Variants in FKBP5 observed in about 807,000 individuals in gnomAD.
The protein encoded by FKBP5 is peptidyl-prolyl cis-trans isomerase FKBP5.
In FKBP5, 23 loss-of-function variants were observed where a neutral mutation model predicts 50.5. The observed-to-expected ratio is 0.46, with a 90% CI of 0.33 to 0.65. The LOEUF is 0.65. FKBP5 is among the 30% of genes least tolerant of loss of function. The pLI is 0.02. For missense variants in FKBP5, 411 were observed against 553.1 expected, an observed-to-expected ratio of 0.74 and a Z score of 2.58; for synonymous variants, 176 against 190.6, an observed-to-expected ratio of 0.92 and a Z score of 0.63.
intron 5 of FKBP5, among the ~76,000 whole-genome samples, chr6:35,605,011 C>G (rs1042797773): frequency 1.3e-5 from 2 of 152,116 alleles, no homozygotes; most frequent in Non-Finnish European, 2.9e-5. Context: ...GTCTCGATTC[C>G]TGACCTCGTG....
At chr6:35,595,474 C>T (rs1333064025) in intron 6 of FKBP5, among the ~76,000 whole-genome samples, 1 of 152,160 alleles carries the variant, frequency 6.6e-6, no homozygotes, top group Non-Finnish European at 1.5e-5. Flanking sequence ...TGGCCTGGCG[C>T]AGTGGCTCAT....
At chr6:35,671,132 T>TG (rs911403448) in intron 1 of FKBP5, among the ~76,000 whole-genome samples, 22 of 152,068 alleles carry the variant, frequency 1.4e-4, no homozygotes, top group African/African-American at 5.1e-4. Context: ...GGCATGGTGG[T>TG]GCACACCTGT....
intron 3 of FKBP5, among the ~76,000 whole-genome samples, chr6:35,622,430 G>A (rs755228038): frequency 2.6e-5 from 4 of 151,948 alleles, no homozygotes; most frequent in Non-Finnish European, 5.9e-5. Flanking sequence ...AGAAGAGCTT[G>A]AGCCTAGGAG....
At position 35,666,697 on chromosome 6, in the gene FKBP5, T is replaced by C. The variant is rs537071535; in HGVS notation, c.-20+22107A>G. The stretch of plus-strand genomic sequence containing the variant: ...CGAGTTCAAGAGATCAAGACCATCC[T>C]GGCCAACACAGTGAAACCCCGTCTC... On this transcript the variant is annotated intron_variant, in intron 1 of 10. Transcript: ENST00000357266. 3.6e-3 allele frequency among the ~76,000 whole-genome samples: 553 copies of C among 152,192 alleles called. 2 individuals are homozygous for C. The highest frequency in any genetic ancestry group is 5.8e-3 in the Non-Finnish European group (391 of 67,986).
intron 5 of FKBP5, among the ~76,000 whole-genome samples, chr6:35,615,155 T>TAA (rs1763609482): frequency 7.0e-6 from 1 of 143,444 alleles, no homozygotes; most frequent in African/African-American, 2.6e-5. Flanking sequence ...CAACAACAAC[T>TAA]ACACACACAC....
In FKBP5 at chr6:35,610,567, C is replaced by CAAAAAA. The variant is rs35101873; in HGVS notation, c.508+8523_508+8528dup. 2.2e-4 allele frequency among the ~76,000 whole-genome samples: 13 copies of CAAAAAA among 58,586 alleles called. 1 individual carries two copies. The highest frequency in any genetic ancestry group is 6.3e-4 in the East Asian group (1 of 1,580). 38.4% of individuals were successfully genotyped at this position (58,586 alleles called of 152,430 possible). A position where few individuals can be genotyped will look rare whatever the true frequency, so the allele number is the denominator to read the frequency against. On this transcript the variant is annotated intron_variant, in intron 5 of 10. Transcript: ENST00000357266. ...TGAGTGACAGAGCAAGACTCCGTCT[C>CAAAAAA]AAAAAAAAAAAAAAAAAAAAAAAAG...
At chr6:35,608,488 A>G (rs145295977) in intron 5 of FKBP5, among the ~76,000 whole-genome samples, 387 of 152,282 alleles carry the variant, frequency 2.5e-3, no homozygotes, top group African/African-American at 7.6e-3. Context: ...TATGCCCTGG[A>G]GTTCAAGACC....
intron 8 of FKBP5, 120 bp from the exon 9 acceptor site, chr6:35,580,341 C>T (rs1762385540): frequency 9.9e-6 from 8 of 806,854 alleles, no homozygotes; most frequent in Admixed American, 4.6e-5. Flanking sequence ...TCTTTCTTTC[C>T]TTCTGGAGAT....
chr6:35,581,637 GAC>G (rs1762435904), intron 8 of FKBP5: 1 of 985,272 alleles, frequency 1.0e-6, no homozygotes, highest in Non-Finnish European at 1.2e-6. Flanking sequence ...CCAGGGCTGA[GAC>G]AATGTGTCCA....
chr6:35,606,884 G>A (rs939918061), intron 5 of FKBP5, among the ~76,000 whole-genome samples: 1 of 152,008 alleles, frequency 6.6e-6, no homozygotes. Context: ...AAAATAAATC[G>A]TTCTATCAGA....
intron 7 of FKBP5, among the ~76,000 whole-genome samples, chr6:35,590,836 A>T (rs187508387): frequency 1.3e-5 from 2 of 152,082 alleles, no homozygotes; most frequent in Non-Finnish European, 2.9e-5. Flanking sequence ...TACAAAAAGA[A>T]CAAGTCTAGG....
intron 8 of FKBP5, 100 bp from the exon 9 acceptor site, chr6:35,580,321 A>T (rs528988459): frequency 1.1e-6 from 1 of 904,098 alleles, no homozygotes; most frequent in Admixed American, 2.2e-5. Flanking sequence ...AAACCCTGGT[A>T]CAGCTGGTTT....
In FKBP5 at chr6:35,575,568, A is replaced by T. The variant is rs532774162; in HGVS notation, c.*267T>A. 50 of 414,756 alleles carry T rather than the reference A, an allele frequency of 1.2e-4. 3 individuals are homozygous for T. The highest frequency in any genetic ancestry group is 8.8e-4 in the African/African-American group (45 of 50,972). The allele number at this position is 414,756 out of a possible 1,614,324, so 25.7% of individuals were successfully genotyped here. A position where few individuals can be genotyped will look rare whatever the true frequency, so the allele number is the denominator to read the frequency against. On this transcript the variant is annotated 3_prime_UTR_variant, in exon 11 of 11. Coordinates refer to ENST00000357266, the MANE Select transcript of FKBP5 (RefSeq NM_004117.4). ...TTGAAGGTTGATAGAAACTGAAATG[A>T]GCTGGACTTAAGCTGCTGGCTCACT...
At chr6:35,684,196 T>TA (rs1442898702) in intron 1 of FKBP5, among the ~76,000 whole-genome samples, 5 of 151,482 alleles carry the variant, frequency 3.3e-5, no homozygotes, top group Non-Finnish European at 7.4e-5. Context: ...TTTTTTTTTT[T>TA]AAGGCAGGGT....
intron 8 of FKBP5, chr6:35,586,420 T>C: frequency 1.0e-6 from 1 of 985,384 alleles, no homozygotes; most frequent in Non-Finnish European, 1.2e-6. Context: ...TTGAAATTTG[T>C]GCATGTCCTC....
upstream of FKBP5, among the ~76,000 whole-genome samples, chr6:35,691,344 T>A (rs368254837): frequency 6.6e-6 from 1 of 152,034 alleles, no homozygotes; most frequent in East Asian, 1.9e-4. Context: ...GGAAAGGGAC[T>A]CCCAGGCAGG....
chr6:35,602,181 A>G (rs1763167014), intron 5 of FKBP5, among the ~76,000 whole-genome samples: 1 of 152,190 alleles, frequency 6.6e-6, no homozygotes, highest in South Asian at 2.1e-4. Flanking sequence ...AAGAGAGTGC[A>G]CAGCAGTAAC....
At chr6:35,681,831 T>C (rs1765669459) in intron 1 of FKBP5, among the ~76,000 whole-genome samples, 2 of 152,192 alleles carry the variant, frequency 1.3e-5, no homozygotes, top group South Asian at 2.1e-4. Flanking sequence ...TATTTATACA[T>C]ATGTGTAATA....
At chr6:35,630,804 G>A (rs1050636661) in intron 3 of FKBP5, among the ~76,000 whole-genome samples, 1 of 151,976 alleles carries the variant, frequency 6.6e-6, no homozygotes, top group Admixed American at 6.6e-5. Flanking sequence ...AATAACAGTA[G>A]GTAACCAAAC....
Sources: gnomAD v4.1 joint callset for allele counts (sites outside exome capture counted in the v4.1 genomes callset) on GRCh38, gnomAD v4.1.1 for gene constraint, MANE v1.5 for transcripts, NCBI Gene and HGNC (gene_info 2026-07-23, HGNC 2026-07-21) for gene names.